The following DEPDC5 variants were observed in gnomAD, a reference collection of about 807,000 sequenced individuals.
DEPDC5 encodes GATOR1 complex protein DEPDC5.
A neutral mutation model predicts 217.3 loss-of-function variants in DEPDC5; 73 were observed. That is an observed-to-expected ratio of 0.34 (90% CI 0.28 to 0.41). The LOEUF is 0.41. Ranked by LOEUF, DEPDC5 falls within the 10% of genes least tolerant of loss-of-function variation. The probability of loss-of-function intolerance (pLI) is 1.00; values close to 1 mark genes in which losing one functional copy is unlikely to be tolerated. For synonymous variants in DEPDC5, 733 were observed against 756.7 expected (o/e 0.97, Z 0.51); for missense variants, 1,675 against 2,070.1 (o/e 0.81, Z 3.70).
chr22:31,819,134 C>A lies in DEPDC5; in HGVS notation c.1779C>A (p.Pro593=). Residue 593 remains proline, a synonymous_variant, in exon 22 of 43, where the codon CCC becomes CCA. Coordinates refer to ENST00000651528, the MANE Select transcript of DEPDC5 (RefSeq NM_001242896.3). ...ATGTTCGACCTGGTGGATACACGCC[C>A]CAGAGAGCACTGATTAACCCCTTCG... is the stretch of plus-strand genomic sequence containing the variant. ...MLHVRPGGYT[P]QRALINPFAP... is the part of the protein sequence containing the mutation. The A allele has an allele frequency of 6.2e-7, 1 of 1,614,134 alleles. No homozygotes were observed. Among genetic ancestry groups the A allele is most frequent in the Non-Finnish European group, 8.5e-7 (1 of 1,180,024 alleles).
chr22:31,893,198 G>A (rs1455169636), intron 38 of DEPDC5, among the ~76,000 whole-genome samples: 2 of 152,002 alleles, frequency 1.3e-5, no homozygotes, highest in Non-Finnish European at 2.9e-5. Flanking sequence ...TGTAGGTTTG[G>A]ACAAATGTAT....
At chr22:31,809,981 C>G (rs11089528) in intron 19 of DEPDC5, among the ~76,000 whole-genome samples, 26,299 of 149,886 alleles carry the variant, frequency 0.18, 3,112 homozygotes, top group African/African-American at 0.34. Flanking sequence ...GACTCTGTCT[C>G]AAAAAAAAAG....
At chr22:31,787,481 T>TAA (rs1290364342) in intron 10 of DEPDC5, among the ~76,000 whole-genome samples, 7 of 152,068 alleles carry the variant, frequency 4.6e-5, no homozygotes, top group African/African-American at 7.2e-5. Flanking sequence ...ACTTCAAAAT[T>TAA]AAAAACTTTT....
chr22:31,792,985 A>G (rs1379858232), intron 12 of DEPDC5, among the ~76,000 whole-genome samples, 168 bp downstream of exon 12: 21 of 151,536 alleles, frequency 1.4e-4, no homozygotes, highest in Admixed American at 1.3e-3. Flanking sequence ...TGGGAGGATC[A>G]CTTGAGCCTG....
At chr22:31,881,636 T>C (rs1408380606) in intron 38 of DEPDC5, among the ~76,000 whole-genome samples, 1 of 151,988 alleles carries the variant, frequency 6.6e-6, no homozygotes, top group Non-Finnish European at 1.5e-5. Flanking sequence ...TTTTATGTCA[T>C]GGGAGGACCT....
At chr22:31,766,520 A>G in intron 5 of DEPDC5, 65 bp from the exon 6 acceptor site, 1 of 1,523,190 alleles carries the variant, frequency 6.6e-7, no homozygotes, top group South Asian at 1.2e-5. Flanking sequence ...GTAAGTGGGC[A>G]TTACCTTCTG....
intron 38 of DEPDC5, 66 bp downstream of exon 38, chr22:31,879,818 A>C: frequency 6.9e-7 from 1 of 1,454,474 alleles, no homozygotes; most frequent in Non-Finnish European, 9.4e-7. Context: ...AGTAGTGGCC[A>C]GCCAAGGGAA....
intron 10 of DEPDC5, among the ~76,000 whole-genome samples, chr22:31,788,858 G>A (rs1043162698): frequency 6.6e-6 from 1 of 151,838 alleles, no homozygotes; most frequent in Non-Finnish European, 1.5e-5. Flanking sequence ...TTACAGACGT[G>A]AGCCTCCGCG....
At chr22:31,820,153 G>C (rs2012150) in intron 22 of DEPDC5, among the ~76,000 whole-genome samples, 53,352 of 151,864 alleles carry the variant, frequency 0.35, 10,572 homozygotes, top group African/African-American at 0.55. Context: ...ACTCTGTTAC[G>C]TAGGCTGGAG....
At position 31,843,982 on chromosome 22, in the gene DEPDC5, T is replaced by G. The variant is rs149240006; in HGVS notation, c.2801+170T>G. Among the ~76,000 whole-genome samples the G allele has an allele frequency of 0.034, 5,243 of 152,112 alleles. 158 individuals are homozygous for G. The highest frequency in any genetic ancestry group is 0.098 in the Admixed American group (1,493 of 15,274). ...GGCTCATGCCTGTAATCCCAGCAAT[T>G]TGGGAGGCCGAGGTTGGCAGATCAC... On this transcript the variant is annotated intron_variant, in intron 29 of 42. Transcript: ENST00000651528.
Position 31,804,307 on chromosome 22 carries a change from T to C in DEPDC5, c.1143+84T>C, listed in dbSNP as rs934052516. On this transcript the variant is annotated intron_variant, in intron 16 of 42. Coordinates refer to ENST00000651528, the MANE Select transcript of DEPDC5 (RefSeq NM_001242896.3). ...AAATTCCAGGCGCTGTGGCATGCACTTATAGTCCCACTTACTCGAGAGGCT... is the reference window on the plus strand; with the variant it reads ...AAATTCCAGGCGCTGTGGCATGCACCTATAGTCCCACTTACTCGAGAGGCT... 8 of 1,322,584 alleles carry C rather than the reference T, an allele frequency of 6.0e-6. No homozygotes were observed. In the Admixed American group the frequency reaches 1.1e-4, roughly 18 times the overall value. 81.9% of individuals were successfully genotyped at this position (1,322,584 alleles called of 1,614,324 possible).
chr22:31,814,811 T>C (rs1182886303), intron 20 of DEPDC5, 181 bp from the exon 21 acceptor site: 1 of 619,528 alleles, frequency 1.6e-6, no homozygotes, highest in Non-Finnish European at 2.8e-6. Context: ...CCCCCTCTCT[T>C]ATATAACATC....
At chr22:31,875,034 A>G (rs1470119794) in intron 36 of DEPDC5, among the ~76,000 whole-genome samples, 1 of 152,216 alleles carries the variant, frequency 6.6e-6, no homozygotes, top group African/African-American at 2.4e-5. Flanking sequence ...TAACAAGGAA[A>G]TGGGAAACGG....
At chr22:31,778,061 T>G (rs543169824) in intron 7 of DEPDC5, 38 bp from the exon 8 acceptor site, 2 of 1,611,214 alleles carry the variant, frequency 1.2e-6, no homozygotes, top group East Asian at 4.5e-5. Flanking sequence ...ATTGGTTTCA[T>G]GTAAGACTTG....
chr22:31,762,358 C>T (rs2082463931), intron 4 of DEPDC5, among the ~76,000 whole-genome samples: 1 of 152,158 alleles, frequency 6.6e-6, no homozygotes, highest in Non-Finnish European at 1.5e-5. Context: ...TTTCTTTTTC[C>T]CTCTAATGGC....
At position 31,810,741 on chromosome 22, in the gene DEPDC5, T is replaced by G. The variant is rs2088197697; in HGVS notation, c.1445+100T>G. Reference sequence around the variant, plus strand: ...AGAGAGCAACCTTGAAAATCTTGTTTTGTTTTGTTTTGTTTCGTTTTGGTT... The same window carrying G: ...AGAGAGCAACCTTGAAAATCTTGTTGTGTTTTGTTTTGTTTCGTTTTGGTT... On this transcript the variant is annotated intron_variant, in intron 20 of 42. Coordinates refer to ENST00000651528, the MANE Select transcript of DEPDC5 (RefSeq NM_001242896.3). The G allele has an allele frequency of 3.9e-6, 6 of 1,533,564 alleles. No homozygotes were observed. The African/African-American group carries it at 7.0e-5, about 18-fold the overall frequency. The allele number at this position is 1,533,564 out of a possible 1,614,324, so 95.0% of individuals were successfully genotyped here.
intron 24 of DEPDC5, among the ~76,000 whole-genome samples, chr22:31,828,695 G>A (rs1402765459): frequency 6.6e-6 from 1 of 152,012 alleles, no homozygotes; most frequent in African/African-American, 2.4e-5. Flanking sequence ...CAGTTTTCAT[G>A]GAACATGTTT....
intron 18 of DEPDC5, among the ~76,000 whole-genome samples, chr22:31,807,914 A>T (rs2087749254): frequency 6.6e-6 from 1 of 151,070 alleles, no homozygotes; most frequent in South Asian, 2.1e-4. Flanking sequence ...TTTAGGGGGG[A>T]GGGCTGTTAA....
At position 31,802,740 on chromosome 22, in the gene DEPDC5, G is replaced by C. The variant is rs775605247; in HGVS notation, c.983G>C (p.Arg328Pro). ...DKHYINRNFDRTGQMSVVITP... is the reference protein window; with the variant it reads ...DKHYINRNFDPTGQMSVVITP... ...CACTACATCAACCGCAACTTTGACC[G>C]AACTGGGCAGATGTCAGTGGTGATC... The change falls in exon 15 of 43, where the codon CGA (arginine) becomes CCA (proline). Residue 328 changes from arginine (R) to proline (P), a missense_variant. Arg to Pro is a moderately radical substitution (Grantham distance 103). Coordinates refer to ENST00000651528, the MANE Select transcript of DEPDC5 (RefSeq NM_001242896.3). The C allele has an allele frequency of 6.3e-7, 1 of 1,597,108 alleles. No homozygotes were observed. The highest frequency in any genetic ancestry group is 2.3e-5 in the East Asian group (1 of 43,700).
Sources: allele counts gnomAD v4.1 joint callset (sites outside exome capture counted in the v4.1 genomes callset), GRCh38; gene constraint gnomAD v4.1.1; transcripts MANE v1.5; gene names NCBI Gene and HGNC (gene_info 2026-07-23, HGNC 2026-07-21).